SRGAP1: variants seen among roughly 807,000 people sequenced by gnomAD.
The protein encoded by SRGAP1 is SLIT-ROBO Rho GTPase activating protein 1, also known as SLIT-ROBO Rho GTPase-activating protein 1.
SRGAP1 carries 43 observed loss-of-function variants against 121.9 expected under a neutral mutation model. The observed-to-expected ratio is 0.35, with a 90% CI of 0.28 to 0.46. SRGAP1 has a LOEUF of 0.46. Among genes scored for constraint, SRGAP1 ranks in the 20% least tolerant of loss-of-function variants. The pLI is 1.00. For missense variants in SRGAP1, 1,102 were observed against 1,350.9 expected, an observed-to-expected ratio of 0.82 and a Z score of 2.89; for synonymous variants, 447 against 485.4, an observed-to-expected ratio of 0.92 and a Z score of 1.04.
rs1209461768 is a variant in SRGAP1 at position 64,063,240 on chromosome 12, C to T, written c.1023+102C>T. On this transcript the variant is annotated intron_variant, in intron 7 of 21. Transcript: ENST00000355086. The stretch of plus-strand genomic sequence containing the variant: ...TTGTAATAATTCCCAGTTGTTTTCT[C>T]TCTCCTGTCCTTGCAGAGGCTCTTA... The T allele has an allele frequency of 1.8e-5, 19 of 1,076,922 alleles. No homozygotes were observed. In the East Asian group the frequency reaches 2.0e-4, roughly 11 times the overall value. 66.7% of individuals were successfully genotyped at this position (1,076,922 alleles called of 1,614,324 possible). A position where few individuals can be genotyped will look rare whatever the true frequency, so the allele number is the denominator to read the frequency against.
At chr12:64,060,205 CTTTTTTTT>C (rs58447783) in intron 6 of SRGAP1, among the ~76,000 whole-genome samples, 1 of 121,446 alleles carries the variant, frequency 8.2e-6, no homozygotes, top group Admixed American at 8.7e-5. Context: ...TTCTTTTTTT[CTTTTTTTT>C]TTTTTTCCTT....
At chr12:63,957,327 G>A (rs146689857) in intron 1 of SRGAP1, among the ~76,000 whole-genome samples, 265 of 152,240 alleles carry the variant, frequency 1.7e-3, no homozygotes, top group African/African-American at 6.2e-3. Flanking sequence ...TGCCTCCTTG[G>A]CACACTCACA....
intron 8 of SRGAP1, 29 bp downstream of exon 8, chr12:64,065,248 G>C: frequency 6.5e-7 from 1 of 1,547,676 alleles, no homozygotes; most frequent in Non-Finnish European, 8.8e-7. Context: ...TGCCACACCA[G>C]TAATCTGAAT....
chr12:63,954,683 A>AAAAAAAAAAAAAGAAAG (rs1389261361), intron 1 of SRGAP1, among the ~76,000 whole-genome samples: 1 of 147,796 alleles, frequency 6.8e-6, no homozygotes, highest in African/African-American at 2.6e-5. Context: ...ATCTCAAAAA[A>AAAAAAAAAAAAAGAAAG]AAAAAAAAAG....
At chr12:63,938,371 T>TC (rs1394788373) in intron 1 of SRGAP1, among the ~76,000 whole-genome samples, 1 of 152,170 alleles carries the variant, frequency 6.6e-6, no homozygotes, top group African/African-American at 2.4e-5. Flanking sequence ...GGTGGAGTCT[T>TC]CCAGGCTTGC....
chr12:63,927,689 C>A (rs2031310404), intron 1 of SRGAP1, among the ~76,000 whole-genome samples: 1 of 152,106 alleles, frequency 6.6e-6, no homozygotes, highest in South Asian at 2.1e-4. Context: ...AATACTGTTT[C>A]CTTTATGGGC....
At chr12:64,074,242 CCTGA>C (rs1240902446) in intron 8 of SRGAP1, among the ~76,000 whole-genome samples, 1 of 152,144 alleles carries the variant, frequency 6.6e-6, no homozygotes, top group Non-Finnish European at 1.5e-5. Flanking sequence ...ACTAGGGTCT[CCTGA>C]CTAACTTTCG....
intron 12 of SRGAP1, among the ~76,000 whole-genome samples, chr12:64,093,263 A>C (rs886646038): frequency 1.3e-5 from 2 of 150,918 alleles, no homozygotes; most frequent in South Asian, 2.1e-4. Context: ...AATTAAATTA[A>C]ATCACATATA....
intron 1 of SRGAP1, among the ~76,000 whole-genome samples, chr12:63,902,117 C>G (rs1565943024): frequency 6.6e-6 from 1 of 152,152 alleles, no homozygotes; most frequent in Non-Finnish European, 1.5e-5. Context: ...GAGTTCGAAA[C>G]CAGCCTGGGC....
At chr12:63,977,604 C>T (rs1315871851) in intron 1 of SRGAP1, among the ~76,000 whole-genome samples, 1 of 151,404 alleles carries the variant, frequency 6.6e-6, no homozygotes, top group Non-Finnish European at 1.5e-5. Context: ...TTCATTTCGT[C>T]TGTTTCTAGG....
chr12:63,973,243 CATTCTAATAT>C (rs1441961940), intron 1 of SRGAP1, among the ~76,000 whole-genome samples: 2 of 152,224 alleles, frequency 1.3e-5, no homozygotes, highest in Non-Finnish European at 2.9e-5. Context: ...AATAGTTATA[CATTCTAATAT>C]ATTCTAAACA....
chr12:63,858,766 G>T (rs546068413), intron 1 of SRGAP1, among the ~76,000 whole-genome samples: 2 of 152,170 alleles, frequency 1.3e-5, no homozygotes, highest in East Asian at 1.9e-4. Flanking sequence ...GTGCAATGGC[G>T]CAATCTGCTC....
chr12:64,072,979 G>A (rs936772359), intron 8 of SRGAP1, among the ~76,000 whole-genome samples: 1 of 152,156 alleles, frequency 6.6e-6, no homozygotes, highest in Non-Finnish European at 1.5e-5. Context: ...GGTTTCTCAC[G>A]AATCCTTTGT....
At chr12:64,033,645 G>A (rs2034832830) in intron 4 of SRGAP1, among the ~76,000 whole-genome samples, 1 of 151,640 alleles carries the variant, frequency 6.6e-6, no homozygotes, top group African/African-American at 2.4e-5. Flanking sequence ...TTGAACCCGG[G>A]AGGCGGAGGT....
intron 1 of SRGAP1, among the ~76,000 whole-genome samples, chr12:63,916,032 C>CTTTTTTTTTTTTTTT (rs140042368): frequency 8.0e-6 from 1 of 125,204 alleles, no homozygotes; most frequent in Non-Finnish European, 1.6e-5. Context: ...CTTTTCTTTT[C>CTTTTTTTTTTTTTTT]TTTTTTTTTT....
At chr12:64,016,488 A>G (rs1427398098) in intron 3 of SRGAP1, among the ~76,000 whole-genome samples, 4 of 152,126 alleles carry the variant, frequency 2.6e-5, no homozygotes, top group Non-Finnish European at 5.9e-5. Context: ...CCCTGTCTCC[A>G]AAAACAAAAA....
At chr12:64,101,781 T>C (rs1055558702) in intron 15 of SRGAP1, among the ~76,000 whole-genome samples, 1 of 152,108 alleles carries the variant, frequency 6.6e-6, no homozygotes, top group Non-Finnish European at 1.5e-5. Context: ...AAGTAATTCA[T>C]GTTTTTTTTT....
In SRGAP1 at chr12:63,885,022, CT is replaced by C. The variant is rs111287507; in HGVS notation, c.67+40141del. 9.8e-3 allele frequency among the ~76,000 whole-genome samples: 1,495 copies of C among 152,146 alleles called. 32 individuals carry two copies. The highest frequency in any genetic ancestry group is 0.034 in the African/African-American group (1,407 of 41,482). Reference sequence around the variant, plus strand: ...GGCGTGAGCCACCGCACCCACCATTCTTATTTGAGTAGATTTTAAAAATCCA... The same window carrying C: ...GGCGTGAGCCACCGCACCCACCATTCTATTTGAGTAGATTTTAAAAATCCA... On this transcript the variant is annotated intron_variant, in intron 1 of 21. Transcript: ENST00000355086.
rs1266035796 is a variant in SRGAP1 at position 63,848,026 on chromosome 12, A to ATATAT, written c.67+3143_67+3144insTATAT. 3.6e-3 allele frequency among the ~76,000 whole-genome samples: 540 copies of ATATAT among 148,658 alleles called. 6 individuals are homozygous for ATATAT. Among genetic ancestry groups the ATATAT allele is most frequent in the African/African-American group, 0.013 (517 of 39,408 alleles). On this transcript the variant is annotated intron_variant, in intron 1 of 21. Coordinates refer to ENST00000355086, the MANE Select transcript of SRGAP1 (RefSeq NM_020762.4). ...TTTATTTTATATATATATATATATAAAAGGAGTATCGGTCTGCTGCCCAGG... is the reference window on the plus strand; with the variant it reads ...TTTATTTTATATATATATATATATAATATATAAGGAGTATCGGTCTGCTGCCCAGG...
Sources: allele counts gnomAD v4.1 joint callset (sites outside exome capture counted in the v4.1 genomes callset), GRCh38; gene constraint gnomAD v4.1.1; transcripts MANE v1.5; gene names NCBI Gene and HGNC (gene_info 2026-07-23, HGNC 2026-07-21).